Variants in RAB27A observed in about 807,000 individuals in gnomAD.
The protein encoded by RAB27A is ras-related protein Rab-27A.
Under a neutral mutation model 20.8 loss-of-function variants are expected in RAB27A, and 17 were observed. The ratio of observed to expected loss-of-function variants is 0.82; its 90% CI spans 0.56 to 1.23. The LOEUF (loss-of-function observed/expected upper bound fraction) is 1.23, where lower values mean the gene tolerates loss of function less well. RAB27A is among the 50% of genes most tolerant of loss of function. The pLI, the probability that RAB27A is intolerant of heterozygous loss-of-function variation, is 0.00. For missense variants in RAB27A, 277 were observed against 266.7 expected (o/e 1.04, Z -0.27); for synonymous variants, 85 against 92.8 (o/e 0.92, Z 0.48).
chr15:55,209,146 T>C (rs7168737), intron 6 of RAB27A, among the ~76,000 whole-genome samples: 40,725 of 152,122 alleles, frequency 0.27, 7,082 homozygotes, highest in African/African-American at 0.5. Flanking sequence ...CTAGAACGAT[T>C]GGAATTTTTC....
chr15:55,277,644 C>A (rs1271646006), intron 1 of RAB27A, among the ~76,000 whole-genome samples: 1 of 152,138 alleles, frequency 6.6e-6, no homozygotes, highest in African/African-American at 2.4e-5. Context: ...ACCTGGAAAC[C>A]AAATAACCAA....
At chr15:55,318,594 T>C (rs1238537723) in intron 1 of RAB27A, among the ~76,000 whole-genome samples, 8 of 149,634 alleles carry the variant, frequency 5.3e-5, no homozygotes, top group African/African-American at 2.0e-4. Context: ...CCCAGCTACT[T>C]GGGAGCTGAG....
intron 6 of RAB27A, among the ~76,000 whole-genome samples, chr15:55,211,663 T>C (rs1895031798): frequency 6.6e-6 from 1 of 152,192 alleles, no homozygotes; most frequent in Admixed American, 6.5e-5. Context: ...GTGTAATCTT[T>C]AGGTTAGAAA....
chr15:55,306,842 G>A (rs577375137), intron 2 of RAB27A, among the ~76,000 whole-genome samples: 2 of 152,290 alleles, frequency 1.3e-5, no homozygotes, highest in African/African-American at 4.8e-5. Context: ...GAAAGGTGGT[G>A]AGAGAACAGT....
At chr15:55,207,664 C>G (rs149757261) in intron 6 of RAB27A, among the ~76,000 whole-genome samples, 4,170 of 152,156 alleles carry the variant, frequency 0.027, 91 homozygotes, top group South Asian at 0.046. Context: ...AAAAATGCGA[C>G]TTTTTTGTTT....
rs536456758 is a variant in RAB27A, at chr15:55,285,365, A to C, written c.-143+4351T>G. On this transcript the variant is annotated intron_variant, in intron 1 of 6. Transcript: ENST00000336787. ...AACAAAACTTTCAGCATTCCTCGTAAGAGAGGCATCTAATTTTACTTGACA... is the reference window on the plus strand; with the variant it reads ...AACAAAACTTTCAGCATTCCTCGTACGAGAGGCATCTAATTTTACTTGACA... Among the ~76,000 whole-genome samples, 4 of 152,242 alleles carry C rather than the reference A, an allele frequency of 2.6e-5. No homozygotes were observed. In the East Asian group the frequency reaches 5.8e-4, roughly 22 times the overall value.
chr15:55,232,581 G>A (rs1429585058), intron 3 of RAB27A, among the ~76,000 whole-genome samples: 4 of 152,040 alleles, frequency 2.6e-5, no homozygotes. Flanking sequence ...TTAAAAATCA[G>A]TAACATAGCG....
At chr15:55,257,187 T>C (rs1437917197) in intron 2 of RAB27A, among the ~76,000 whole-genome samples, 2 of 151,902 alleles carry the variant, frequency 1.3e-5, no homozygotes, top group East Asian at 1.9e-4. Context: ...TTGTGGGTGG[T>C]ATCAGATTTT....
intron 1 of RAB27A, among the ~76,000 whole-genome samples, chr15:55,281,923 C>G (rs1206372911): frequency 1.3e-5 from 2 of 152,132 alleles, no homozygotes; most frequent in Non-Finnish European, 2.9e-5. Flanking sequence ...TCATGCTCCT[C>G]AAGAGTGTGA....
rs1159917543 is a variant in RAB27A, at chr15:55,203,192, T to A, written c.*2315A>T. 6.6e-6 allele frequency: 1 copy of A among 152,234 alleles called. No individual in the cohort carries two copies. The highest frequency in any genetic ancestry group is 1.5e-5 in the Non-Finnish European group (1 of 68,044). 9.4% of individuals were successfully genotyped at this position (152,234 alleles called of 1,614,324 possible). A position where few individuals can be genotyped will look rare whatever the true frequency, so the allele number is the denominator to read the frequency against. On this transcript the variant is annotated 3_prime_UTR_variant, in exon 7 of 7. Coordinates refer to ENST00000336787, the MANE Select transcript of RAB27A (RefSeq NM_183235.3). The stretch of plus-strand genomic sequence containing the variant: ...TATCATGTATACACTTAATTGTATG[T>A]TTAAGGCCAGTGGAATCTATAGCTA...
intron 2 of RAB27A, among the ~76,000 whole-genome samples, chr15:55,262,497 A>C (rs1015807291): frequency 1.6e-4 from 24 of 150,680 alleles, no homozygotes; most frequent in Non-Finnish European, 2.4e-4. Flanking sequence ...AGCCGAGATC[A>C]CGCCACTGCA....
rs573196947 is a variant in RAB27A, at chr15:55,234,975, A to G, written c.-22-19T>C. On this transcript the variant is annotated intron_variant, in intron 2 of 6. Transcript: ENST00000336787. ...AGTTCACCTGTAAAATACACACAAA[A>G]TTTTTTAATTAAAATCCATTAGAAA... is the stretch of plus-strand genomic sequence containing the variant. 1.9e-6 allele frequency: 3 copies of G among 1,559,758 alleles called. No individual in the cohort carries two copies. Among genetic ancestry groups the G allele is most frequent in the African/African-American group, 1.4e-5 (1 of 73,180 alleles).
intron 2 of RAB27A, among the ~76,000 whole-genome samples, chr15:55,242,567 T>A (rs1008027057): frequency 6.6e-6 from 1 of 152,212 alleles, no homozygotes; most frequent in Non-Finnish European, 1.5e-5. Context: ...TTATTAATAG[T>A]TTCACCACGT....
intron 1 of RAB27A, among the ~76,000 whole-genome samples, chr15:55,288,310 CA>C (rs1898210918): frequency 6.6e-6 from 1 of 152,084 alleles, no homozygotes; most frequent in South Asian, 2.1e-4. Context: ...CACTTGAGGT[CA>C]GGAGTTCAAG....
intron 6 of RAB27A, among the ~76,000 whole-genome samples, chr15:55,214,327 T>A (rs1354253978): frequency 6.6e-6 from 1 of 152,156 alleles, no homozygotes; most frequent in African/African-American, 2.4e-5. Flanking sequence ...TCCCAGCTAC[T>A]CGGGAGGCTG....
chr15:55,278,591 G>A (rs890006360), intron 1 of RAB27A, among the ~76,000 whole-genome samples: 70 of 150,662 alleles, frequency 4.6e-4, no homozygotes, highest in Non-Finnish European at 7.7e-4. Context: ...CACGCCATTC[G>A]CCTGCCTCAG....
intron 2 of RAB27A, among the ~76,000 whole-genome samples, chr15:55,307,429 T>C (rs141140874): frequency 6.6e-6 from 1 of 152,080 alleles, no homozygotes; most frequent in Non-Finnish European, 1.5e-5. Flanking sequence ...TGTTTAGATG[T>C]CGTTTGAGTG....
chr15:55,229,796 G>T (rs1052999812), intron 4 of RAB27A, among the ~76,000 whole-genome samples: 20 of 152,126 alleles, frequency 1.3e-4, no homozygotes, highest in African/African-American at 4.6e-4. Context: ...GAGGTAAGGG[G>T]TATAAATGAA....
At position 55,272,743 on chromosome 15, in the gene RAB27A, A is replaced by G. The variant is rs558770706; in HGVS notation, c.-142-2459T>C. On this transcript the variant is annotated intron_variant, in intron 1 of 6. Coordinates refer to ENST00000336787, the MANE Select transcript of RAB27A (RefSeq NM_183235.3). ...TTTTAGACATAAACTCACAAGGACA[A>G]AGATCAGGTAGTGGAAGCAACAAAA... Among the ~76,000 whole-genome samples the G allele has an allele frequency of 2.0e-5, 3 of 152,338 alleles. No homozygotes were observed. In the East Asian group the frequency reaches 5.8e-4, roughly 29 times the overall value.
Sources: gnomAD v4.1 joint callset for allele counts (sites outside exome capture counted in the v4.1 genomes callset) on GRCh38, gnomAD v4.1.1 for gene constraint, MANE v1.5 for transcripts, NCBI Gene and HGNC (gene_info 2026-07-23, HGNC 2026-07-21) for gene names.